The following SLC4A4 variants were observed in gnomAD, a reference collection of about 807,000 sequenced individuals.
SLC4A4 encodes the protein electrogenic sodium bicarbonate cotransporter 1.
In SLC4A4, 27 loss-of-function variants were observed where a neutral mutation model predicts 111.5. The ratio of observed to expected loss-of-function variants is 0.24; its 90% CI spans 0.18 to 0.33. The LOEUF (loss-of-function observed/expected upper bound fraction) is 0.33, where lower values mean the gene tolerates loss of function less well. Ranked by LOEUF, SLC4A4 falls within the 10% of genes least tolerant of loss-of-function variation. The pLI is 1.00. For missense variants in SLC4A4, 909 were observed against 1,315.5 expected (o/e 0.69, Z 4.78); for synonymous variants, 443 against 463.4 (o/e 0.96, Z 0.57).
intron 14 of SLC4A4, among the ~76,000 whole-genome samples, chr4:71,474,559 CTTGAA>C (rs2149110956): frequency 6.6e-6 from 1 of 151,876 alleles, no homozygotes; most frequent in South Asian, 2.1e-4. Flanking sequence ...TGATATGTGT[CTTGAA>C]TTGAGAAAAA....
At chr4:71,447,314 C>G (rs570198422) in intron 8 of SLC4A4, among the ~76,000 whole-genome samples, 3 of 152,204 alleles carry the variant, frequency 2.0e-5, no homozygotes, top group Admixed American at 6.5e-5. Context: ...TTCTGAAAAT[C>G]AGTAGAAATG....
rs757992081 is a variant in SLC4A4 at position 71,567,092 on chromosome 4, G to C, written c.*36+9G>C. Reference sequence around the variant, plus strand: ...TCACTCGGTATGCCAAGGTAAAGGAGAGCCCAGTATTTTATGTTTTTCTGT... The same window carrying C: ...TCACTCGGTATGCCAAGGTAAAGGACAGCCCAGTATTTTATGTTTTTCTGT... On this transcript the variant is annotated intron_variant, in intron 25 of 25. Coordinates refer to ENST00000264485, the MANE Select transcript of SLC4A4 (RefSeq NM_001098484.3). The C allele has an allele frequency of 1.9e-6, 3 of 1,601,890 alleles. No homozygotes were observed. Among genetic ancestry groups the C allele is most frequent in the Non-Finnish European group, 1.7e-6 (2 of 1,171,310 alleles).
rs1737953961 is a variant in SLC4A4 at position 71,571,951 on chromosome 4, CAT to C, written c.*4202_*4203del. The C allele has an allele frequency of 1.3e-5, 2 of 152,080 alleles. No individual in the cohort carries two copies. The highest frequency in any genetic ancestry group is 4.2e-4 in the South Asian group (2 of 4,800). 9.4% of individuals were successfully genotyped at this position (152,080 alleles called of 1,614,324 possible). On this transcript the variant is annotated 3_prime_UTR_variant, in exon 26 of 26. Coordinates refer to ENST00000264485, the MANE Select transcript of SLC4A4 (RefSeq NM_001098484.3). ...AATATAAATCCTAAAATTCCTATAACATAGTATTTTACAGTTTTATGAAGCTT... is the reference window on the plus strand; with the variant it reads ...AATATAAATCCTAAAATTCCTATAACAGTATTTTACAGTTTTATGAAGCTT...
chr4:71,551,409 A>G (rs1161649667), intron 20 of SLC4A4, among the ~76,000 whole-genome samples: 1 of 151,828 alleles, frequency 6.6e-6, no homozygotes, highest in Admixed American at 6.6e-5. Context: ...GATGATGGTA[A>G]TGGTGATGAT....
At chr4:71,365,397 A>T (rs183688915) in intron 6 of SLC4A4, among the ~76,000 whole-genome samples, 9 of 152,268 alleles carry the variant, frequency 5.9e-5, no homozygotes, top group Admixed American at 5.2e-4. Flanking sequence ...TCTGGGAGCA[A>T]TCGAAGTGTA....
chr4:71,190,885 TGAATATAGACGGTTCCA>T (rs1209188278), intron 1 of SLC4A4, among the ~76,000 whole-genome samples: 1 of 152,270 alleles, frequency 6.6e-6, no homozygotes, highest in Non-Finnish European at 1.5e-5. Context: ...TACTTGATGC[TGAATATAGACGGTTCCA>T]GACTTATGAT....
chr4:71,459,021 C>T (rs563305886), intron 12 of SLC4A4, among the ~76,000 whole-genome samples: 6 of 152,100 alleles, frequency 3.9e-5, no homozygotes, highest in South Asian at 4.2e-4. Context: ...AATAAGGATT[C>T]TGCATTACCT....
At chr4:71,453,398 T>A (rs926878003) in intron 11 of SLC4A4, 97 bp from the exon 12 acceptor site, 36 of 1,208,450 alleles carry the variant, frequency 3.0e-5, no homozygotes, top group Non-Finnish European at 4.4e-5. Context: ...ATTCAAGCAT[T>A]TTAAATATGT....
At chr4:71,488,240 TAAGAA>T in intron 15 of SLC4A4, among the ~76,000 whole-genome samples, 1 of 151,508 alleles carries the variant, frequency 6.6e-6, no homozygotes, top group African/African-American at 2.4e-5. Context: ...TCCACTGACT[TAAGAA>T]AAGAAATTGT....
At chr4:71,175,748 G>A (rs1442873578) in intron 2 of SLC4A4, among the ~76,000 whole-genome samples, 2 of 128,210 alleles carry the variant, frequency 1.6e-5, no homozygotes, top group Non-Finnish European at 3.4e-5. Context: ...CTCCACCTCT[G>A]GGGGCAGGGC....
chr4:71,207,030 A>G (rs1167727076), intron 1 of SLC4A4, among the ~76,000 whole-genome samples: 1 of 152,126 alleles, frequency 6.6e-6, no homozygotes, highest in Non-Finnish European at 1.5e-5. Flanking sequence ...AATAAGCATA[A>G]TGGTACTAGT....
chr4:71,067,134 A>AT (rs1306817122), intron 1 of SLC4A4, among the ~76,000 whole-genome samples: 1 of 151,706 alleles, frequency 6.6e-6, no homozygotes, highest in African/African-American at 2.4e-5. Flanking sequence ...GCAGAGAAAA[A>AT]AAAAATAGTG....
intron 1 of SLC4A4, among the ~76,000 whole-genome samples, chr4:71,197,489 T>C (rs1746060294): frequency 6.6e-6 from 1 of 152,206 alleles, no homozygotes; most frequent in South Asian, 2.1e-4. Flanking sequence ...TAAAAATGAA[T>C]TGTTAGCAGT....
At chr4:71,391,308 T>G (rs1185568800) in intron 6 of SLC4A4, among the ~76,000 whole-genome samples, 2 of 152,096 alleles carry the variant, frequency 1.3e-5, no homozygotes, top group African/African-American at 2.4e-5. Flanking sequence ...GATCTTTGTT[T>G]TAGCTTGTCC....
At chr4:71,486,138 A>C (rs1051330117) in intron 14 of SLC4A4, among the ~76,000 whole-genome samples, 1 of 151,598 alleles carries the variant, frequency 6.6e-6, no homozygotes, top group South Asian at 2.1e-4. Context: ...GTGTTGTTTT[A>C]TAATATTTCT....
intron 25 of SLC4A4, 145 bp from the exon 26 acceptor site, chr4:71,567,643 G>A (rs1474577987): frequency 2.1e-6 from 1 of 482,172 alleles, no homozygotes; most frequent in Non-Finnish European, 3.7e-6. Flanking sequence ...CATTTAAAAT[G>A]TTTGTTTTTA....
intron 16 of SLC4A4, among the ~76,000 whole-genome samples, chr4:71,519,686 G>A (rs1259905201): frequency 5.9e-5 from 9 of 152,280 alleles, no homozygotes; most frequent in Non-Finnish European, 1.3e-4. Context: ...CTAGGCTGGA[G>A]TGCAGTGGCA....
chr4:71,198,441 G>C (rs1023221991), intron 1 of SLC4A4, among the ~76,000 whole-genome samples: 1 of 152,136 alleles, frequency 6.6e-6, no homozygotes, highest in African/African-American at 2.4e-5. Context: ...ATTCCTTTGA[G>C]GGTTTGGTCT....
chr4:71,307,309 C>T (rs775569460), intron 3 of SLC4A4, among the ~76,000 whole-genome samples: 1 of 152,168 alleles, frequency 6.6e-6, no homozygotes, highest in Non-Finnish European at 1.5e-5. Context: ...CTGATTTCCC[C>T]CTTCACCCCA....
Sources: allele counts gnomAD v4.1 joint callset (sites outside exome capture counted in the v4.1 genomes callset), GRCh38; gene constraint gnomAD v4.1.1; transcripts MANE v1.5; gene names NCBI Gene and HGNC (gene_info 2026-07-23, HGNC 2026-07-21).